The following SPAG16 variants were observed in gnomAD, a reference collection of about 807,000 sequenced individuals.
SPAG16 encodes sperm associated antigen 16, also known as sperm-associated antigen 16 protein.
Under a neutral mutation model 80.4 loss-of-function variants are expected in SPAG16, and 86 were observed. The observed-to-expected ratio is 1.07, with a 90% confidence interval of 0.90 to 1.28. SPAG16 has a LOEUF of 1.28. Among genes scored for constraint, SPAG16 ranks in the 50% most tolerant of loss-of-function variants. The pLI, the probability that SPAG16 is intolerant of heterozygous loss-of-function variation, is 0.00. For missense variants in SPAG16, 870 were observed against 765.3 expected (o/e 1.14, Z -1.61); for synonymous variants, 294 against 265.9 (o/e 1.11, Z -1.03).
intron 10 of SPAG16, among the ~76,000 whole-genome samples, chr2:213,514,892 A>G (rs1362307557): frequency 6.6e-6 from 1 of 152,086 alleles, no homozygotes; most frequent in Non-Finnish European, 1.5e-5. Flanking sequence ...TTTTGATAAT[A>G]AGTAACCTAC....
intron 10 of SPAG16, among the ~76,000 whole-genome samples, chr2:213,664,921 C>T (rs981969429): frequency 3.3e-5 from 5 of 151,944 alleles, no homozygotes; most frequent in African/African-American, 1.2e-4. Flanking sequence ...TATTTTCTAT[C>T]TCTTTTTGAG....
At chr2:213,934,725 G>A (rs1476128302) in intron 12 of SPAG16, among the ~76,000 whole-genome samples, 3 of 152,150 alleles carry the variant, frequency 2.0e-5, no homozygotes, top group African/African-American at 4.8e-5. Context: ...AAAGTAGCAG[G>A]TACTATTTCC....
intron 9 of SPAG16, among the ~76,000 whole-genome samples, chr2:213,481,663 A>G (rs747951198): frequency 5.3e-5 from 8 of 152,220 alleles, no homozygotes; most frequent in Non-Finnish European, 1.2e-4. Context: ...ACAGAGGGAT[A>G]AGTAACCCAG....
At chr2:213,384,091 C>T (rs1292374485) in intron 9 of SPAG16, among the ~76,000 whole-genome samples, 1 of 152,154 alleles carries the variant, frequency 6.6e-6, no homozygotes, top group African/African-American at 2.4e-5. Flanking sequence ...TGTCATCCTC[C>T]AGGATCTTTG....
At chr2:213,475,502 C>A (rs1243418355) in intron 9 of SPAG16, among the ~76,000 whole-genome samples, 1 of 152,142 alleles carries the variant, frequency 6.6e-6, no homozygotes, top group African/African-American at 2.4e-5. Flanking sequence ...AAAAGGCATG[C>A]CTTAGTCTCT....
chr2:214,147,423 A>G (rs781418011), intron 14 of SPAG16, among the ~76,000 whole-genome samples: 51 of 152,322 alleles, frequency 3.3e-4, no homozygotes, highest in Non-Finnish European at 6.3e-4. Flanking sequence ...ACAATGAAAG[A>G]ACATCAAGTC....
intron 5 of SPAG16, among the ~76,000 whole-genome samples, chr2:213,338,986 T>G (rs149374032): frequency 2.6e-5 from 4 of 151,366 alleles, no homozygotes; most frequent in African/African-American, 7.3e-5. Flanking sequence ...TTTACCTATG[T>G]AACAAACCTT....
At chr2:213,573,189 A>AC (rs113831444) in intron 10 of SPAG16, among the ~76,000 whole-genome samples, 1,769 of 151,850 alleles carry the variant, frequency 0.012, 36 homozygotes, top group African/African-American at 0.039. Flanking sequence ...TGCAGAAATC[A>AC]CCGTCTTCTG....
Position 213,793,057 on chromosome 2 carries a change from G to C in SPAG16, c.1071-69428G>C, listed in dbSNP as rs1252752247. 2.0e-5 allele frequency among the ~76,000 whole-genome samples: 3 copies of C among 152,092 alleles called. No homozygotes were observed. In the East Asian group the frequency reaches 5.8e-4, roughly 29 times the overall value. On this transcript the variant is annotated intron_variant, in intron 10 of 15. Transcript: ENST00000331683. ...TTCTCCTGCCTCAGCCTCCCAAATA[G>C]CTGGGATTACAGGCGCCTGCCACCG...
At chr2:214,366,165 G>C (rs1350316935) in intron 15 of SPAG16, among the ~76,000 whole-genome samples, 2 of 152,078 alleles carry the variant, frequency 1.3e-5, no homozygotes, top group African/African-American at 4.8e-5. Flanking sequence ...TTTTAGGAGA[G>C]ATGGAGTTTC....
intron 11 of SPAG16, among the ~76,000 whole-genome samples, chr2:213,867,150 A>AGT (rs1208078779): frequency 6.6e-6 from 1 of 152,202 alleles, no homozygotes; most frequent in Non-Finnish European, 1.5e-5. Flanking sequence ...CTTTCGTCAC[A>AGT]GTGTAACTCA....
chr2:213,418,470 T>C (rs2069397426), intron 9 of SPAG16, among the ~76,000 whole-genome samples: 1 of 152,222 alleles, frequency 6.6e-6, no homozygotes, highest in Non-Finnish European at 1.5e-5. Flanking sequence ...TTCTCATTTA[T>C]ACTAAAAATT....
At chr2:214,194,374 A>G (rs989329828) in intron 15 of SPAG16, among the ~76,000 whole-genome samples, 12 of 152,064 alleles carry the variant, frequency 7.9e-5, no homozygotes, top group African/African-American at 2.9e-4. Flanking sequence ...GCTCAGAAAC[A>G]CTATACTTTT....
chr2:214,067,433 T>C (rs909957141), intron 13 of SPAG16, among the ~76,000 whole-genome samples: 2 of 152,120 alleles, frequency 1.3e-5, no homozygotes, highest in Non-Finnish European at 2.9e-5. Flanking sequence ...TGATTAGATT[T>C]GGGGAAGAAT....
chr2:213,435,520 A>G (rs974935801), intron 9 of SPAG16, among the ~76,000 whole-genome samples: 3 of 152,118 alleles, frequency 2.0e-5, no homozygotes, highest in Non-Finnish European at 4.4e-5. Flanking sequence ...TGCACGTGTA[A>G]CTCTTTAATT....
At position 213,407,008 on chromosome 2, in the gene SPAG16, G is replaced by A. The variant is rs1033266562; in HGVS notation, c.942+31889G>A. The stretch of plus-strand genomic sequence containing the variant: ...AGCTTAAAGGACTCTCACATACTGC[G>A]GCGACCACTCTGTGCACAGACCAAG... On this transcript the variant is annotated intron_variant, in intron 9 of 15. Transcript: ENST00000331683. Among the ~76,000 whole-genome samples, 7 of 152,034 alleles carry A rather than the reference G, an allele frequency of 4.6e-5. 1 individual carries two copies. Among genetic ancestry groups the A allele is most frequent in the Admixed American group, 3.9e-4 (6 of 15,286 alleles).
intron 7 of SPAG16, among the ~76,000 whole-genome samples, chr2:213,362,082 C>A (rs546983649): frequency 1.4e-4 from 21 of 152,082 alleles, no homozygotes; most frequent in Non-Finnish European, 2.6e-4. Context: ...AGATGTTGGG[C>A]ACAAGGGAAG....
At chr2:213,787,635 A>T (rs1299392570) in intron 10 of SPAG16, among the ~76,000 whole-genome samples, 1 of 152,038 alleles carries the variant, frequency 6.6e-6, no homozygotes, top group East Asian at 1.9e-4. Context: ...GATAAAATAT[A>T]ATTAAATGAT....
chr2:213,952,361 C>A (rs2079833667), intron 12 of SPAG16, among the ~76,000 whole-genome samples: 1 of 151,816 alleles, frequency 6.6e-6, no homozygotes, highest in Admixed American at 6.6e-5. Context: ...GATTTTTGGT[C>A]ATAAAAGACA....
Sources: allele counts gnomAD v4.1 joint callset (sites outside exome capture counted in the v4.1 genomes callset), GRCh38; gene constraint gnomAD v4.1.1; transcripts MANE v1.5; gene names NCBI Gene and HGNC (gene_info 2026-07-23, HGNC 2026-07-21).